Variants in C10orf90 observed in about 807,000 individuals in gnomAD.
The protein encoded by C10orf90 is chromosome 10 open reading frame 90, also known as (E2-independent) E3 ubiquitin-conjugating enzyme FATS.
In C10orf90, 56 loss-of-function variants were observed where a neutral mutation model predicts 62.5. The observed-to-expected ratio is 0.90, with a 90% confidence interval of 0.72 to 1.12. The LOEUF is 1.12. Among genes scored for constraint, C10orf90 ranks in the 50% most tolerant of loss-of-function variants. The pLI is 0.00. For synonymous variants in C10orf90, 386 were observed against 340.4 expected, an observed-to-expected ratio of 1.13 and a Z score of -1.47; for missense variants, 970 against 880.4, an observed-to-expected ratio of 1.10 and a Z score of -1.29.
At chr10:126,496,756 C>T (rs1357657473) in intron 4 of C10orf90, 1 of 968,078 alleles carries the variant, frequency 1.0e-6, no homozygotes, top group African/African-American at 1.8e-5. Context: ...GGAAACACAT[C>T]AAGCACTTAA....
chr10:126,472,083 G>A (rs80170913), intron 4 of C10orf90, among the ~76,000 whole-genome samples: 2,442 of 152,240 alleles, frequency 0.016, 74 homozygotes, highest in African/African-American at 0.056. Flanking sequence ...CAGAATATCA[G>A]TTACCCTACA....
intron 4 of C10orf90, among the ~76,000 whole-genome samples, chr10:126,498,801 A>T (rs1862221108): frequency 6.6e-6 from 1 of 152,214 alleles, no homozygotes; most frequent in Non-Finnish European, 1.5e-5. Context: ...TTGAAGGGCC[A>T]TCCCAGATTC....
intron 2 of C10orf90, among the ~76,000 whole-genome samples, chr10:126,546,296 C>A (rs1416276277): frequency 1.3e-5 from 2 of 152,212 alleles, no homozygotes; most frequent in Admixed American, 6.5e-5. Context: ...AAAGAAGCAC[C>A]CTAACCTAAC....
At chr10:126,483,995 G>C (rs1340175862) in intron 4 of C10orf90, among the ~76,000 whole-genome samples, 2 of 152,068 alleles carry the variant, frequency 1.3e-5, no homozygotes, top group South Asian at 2.1e-4. Flanking sequence ...CTCAACAGAG[G>C]CTTTGGATAT....
intron 4 of C10orf90, chr10:126,502,912 A>C: frequency 2.1e-6 from 1 of 467,950 alleles, no homozygotes; most frequent in South Asian, 1.7e-5. Context: ...TGAGCATTCA[A>C]TATTTCAATA....
chr10:126,521,529 G>C (rs557949748), intron 2 of C10orf90: 1 of 1,281,064 alleles, frequency 7.8e-7, no homozygotes, highest in Admixed American at 3.4e-5. Context: ...AGGGCAACCA[G>C]GGGAGGTGGC....
chr10:126,490,375 A>C lies in C10orf90; in HGVS notation c.1534+13582T>G, dbSNP rs148815827. ...CATGGCTTCCAGAGAATGGGGAGTT[A>C]GTGTTTAATGGGGAGTTAGTGTCTA... is the stretch of plus-strand genomic sequence containing the variant. On this transcript the variant is annotated intron_variant, in intron 4 of 9. Transcript: ENST00000488181. Among the ~76,000 whole-genome samples, 48 of 151,676 alleles carry C rather than the reference A, an allele frequency of 3.2e-4. No individual in the cohort carries two copies. The East Asian group carries it at 8.8e-3, about 28-fold the overall frequency.
intron 2 of C10orf90, among the ~76,000 whole-genome samples, chr10:126,550,488 A>G (rs1334526948): frequency 6.6e-6 from 1 of 152,018 alleles, no homozygotes; most frequent in African/African-American, 2.4e-5. Flanking sequence ...AATAGAACAA[A>G]GGGTATATGA....
chr10:126,480,608 A>C (rs1287101446), intron 4 of C10orf90, among the ~76,000 whole-genome samples: 2 of 152,256 alleles, frequency 1.3e-5, no homozygotes, highest in Non-Finnish European at 2.9e-5. Flanking sequence ...TGTCACATGC[A>C]TTTGAAAATG....
chr10:126,617,017 C>T (rs192543744), intron 2 of C10orf90, among the ~76,000 whole-genome samples: 10 of 152,262 alleles, frequency 6.6e-5, no homozygotes, highest in East Asian at 1.9e-4. Flanking sequence ...CCAAATCTCT[C>T]GGACATCATT....
intron 3 of C10orf90, among the ~76,000 whole-genome samples, chr10:126,506,371 C>A (rs781164226): frequency 3.9e-5 from 6 of 152,242 alleles, no homozygotes; most frequent in Admixed American, 1.3e-4. Context: ...CCCGTTTAGA[C>A]GTTCATTATG....
chr10:126,578,236 A>G (rs1844665729), intron 2 of C10orf90, among the ~76,000 whole-genome samples: 1 of 152,220 alleles, frequency 6.6e-6, no homozygotes, highest in Non-Finnish European at 1.5e-5. Flanking sequence ...TAGTACATAT[A>G]TCTAACAAAG....
At chr10:126,486,379 T>A (rs1861435402) in intron 4 of C10orf90, among the ~76,000 whole-genome samples, 1 of 152,092 alleles carries the variant, frequency 6.6e-6, no homozygotes, top group Non-Finnish European at 1.5e-5. Context: ...AAAGTCCCAA[T>A]AAACATGAGC....
At chr10:126,469,518 C>T (rs908352464) in intron 4 of C10orf90, among the ~76,000 whole-genome samples, 1 of 152,170 alleles carries the variant, frequency 6.6e-6, no homozygotes, top group African/African-American at 2.4e-5. Context: ...GGCCATCTTA[C>T]AACCAACTGT....
At chr10:126,658,839 C>A (rs1051394100) in intron 1 of C10orf90, among the ~76,000 whole-genome samples, 1 of 152,184 alleles carries the variant, frequency 6.6e-6, no homozygotes. Context: ...ATGATCCTCC[C>A]ACCTCAGCCT....
chr10:126,661,874 G>C, intron 1 of C10orf90, among the ~76,000 whole-genome samples: 1 of 151,816 alleles, frequency 6.6e-6, no homozygotes, highest in East Asian at 1.9e-4. Context: ...TGAATTTAAA[G>C]GGCAAACAAT....
At chr10:126,425,964 C>A (rs1857235200) in intron 9 of C10orf90, 27 bp downstream of exon 9, 1 of 1,613,652 alleles carries the variant, frequency 6.2e-7, no homozygotes, top group Non-Finnish European at 8.5e-7. Context: ...CCACACACAT[C>A]ACACCTGCTG....
At chr10:126,641,686 T>A (rs967580100) in intron 2 of C10orf90, among the ~76,000 whole-genome samples, 4 of 152,200 alleles carry the variant, frequency 2.6e-5, no homozygotes, top group East Asian at 3.9e-4. Context: ...TTACAAAATC[T>A]TTTTGTAACA....
chr10:126,503,879 T>C (rs1441038851), intron 4 of C10orf90, 78 bp downstream of exon 4: 4 of 1,504,160 alleles, frequency 2.7e-6, no homozygotes, highest in African/African-American at 1.4e-5. Flanking sequence ...ATAAGTTTTG[T>C]ATAAGAAATT....
Sources: allele counts gnomAD v4.1 joint callset (sites outside exome capture counted in the v4.1 genomes callset), GRCh38; gene constraint gnomAD v4.1.1; transcripts MANE v1.5; gene names NCBI Gene and HGNC (gene_info 2026-07-23, HGNC 2026-07-21).